Variants in FBXO36 observed in about 807,000 individuals in gnomAD.
The protein encoded by FBXO36 is F-box protein 36.
FBXO36 carries 18 observed loss-of-function variants against 17.0 expected under a neutral mutation model. The ratio of observed to expected loss-of-function variants is 1.06; its 90% confidence interval spans 0.73 to 1.57. FBXO36 has a LOEUF of 1.57. Among genes scored for constraint, FBXO36 ranks in the 40% most tolerant of loss-of-function variants. FBXO36 has a pLI of 0.00. For missense variants in FBXO36, 229 were observed against 221.9 expected, an observed-to-expected ratio of 1.03 and a Z score of -0.20; for synonymous variants, 83 against 85.3, an observed-to-expected ratio of 0.97 and a Z score of 0.15.
rs1187461108 is a variant in FBXO36, at chr2:229,926,145, A to AG, written c.96+3543dup. Among the ~76,000 whole-genome samples the AG allele has an allele frequency of 2.8e-3, 399 of 140,302 alleles. 1 individual carries two copies. The highest frequency in any genetic ancestry group is 4.4e-3 in the Non-Finnish European group (283 of 64,696). The allele number at this position is 140,302 out of a possible 152,430, so 92.0% of individuals were successfully genotyped here. A position where few individuals can be genotyped will look rare whatever the true frequency, so the allele number is the denominator to read the frequency against. ...TCTCTTAAAAAAAAAAAAAAAAAAA[A>AG]GGGGGGGCTGAGCACAGCTCATGCC... On this transcript the variant is annotated intron_variant, in intron 1 of 3. Coordinates refer to ENST00000283946, the MANE Select transcript of FBXO36 (RefSeq NM_174899.5).
intron 3 of FBXO36, among the ~76,000 whole-genome samples, chr2:230,007,117 C>A (rs2077391066): frequency 6.6e-6 from 1 of 152,240 alleles, no homozygotes; most frequent in South Asian, 2.1e-4. Flanking sequence ...ACAAGTTCAC[C>A]AAGGTGTGCT....
At chr2:229,988,830 TTTTTTTTTTTTTTG>T (rs934374399) in intron 2 of FBXO36, among the ~76,000 whole-genome samples, 2 of 72,066 alleles carry the variant, frequency 2.8e-5, no homozygotes, top group African/African-American at 6.7e-5. Context: ...GCTGGCCTGT[TTTTTTTTTTTTTTG>T]TTTTTTTTTT....
At chr2:229,982,958 T>C (rs1193046969) in intron 2 of FBXO36, among the ~76,000 whole-genome samples, 1 of 152,126 alleles carries the variant, frequency 6.6e-6, no homozygotes. Context: ...AAAACGTTGC[T>C]GAATTTTTTT....
rs563439633 is a variant in FBXO36 at position 229,944,159 on chromosome 2, G to T, written c.96+21550G>T. Among the ~76,000 whole-genome samples the T allele has an allele frequency of 7.9e-5, 12 of 152,216 alleles. No individual in the cohort carries two copies. In the East Asian group the frequency reaches 2.3e-3, roughly 29 times the overall value. On this transcript the variant is annotated intron_variant, in intron 1 of 3. Coordinates refer to ENST00000283946, the MANE Select transcript of FBXO36 (RefSeq NM_174899.5). ...GCCTCTTTTCTTTATAAATTACCCA[G>T]GTTCAGGTAGTTCTTTATAGCAATG...
At chr2:229,934,405 T>TATAA (rs1439994203) in intron 1 of FBXO36, among the ~76,000 whole-genome samples, 4 of 151,934 alleles carry the variant, frequency 2.6e-5, no homozygotes, top group Non-Finnish European at 5.9e-5. Flanking sequence ...TGTCTCAAAA[T>TATAA]ATAAATAAAT....
In FBXO36 at chr2:229,964,589, C is replaced by T. The variant is rs1449353358; in HGVS notation, c.97-11652C>T. 2.6e-5 allele frequency among the ~76,000 whole-genome samples: 4 copies of T among 152,306 alleles called. No homozygotes were observed. In the South Asian group the frequency reaches 6.2e-4, roughly 24 times the overall value. ...GGCTGAAGTGCAGTTGGTGCGATCT[C>T]GGCTTACCACAGCCTCCACCTCCCG... is the stretch of plus-strand genomic sequence containing the variant. On this transcript the variant is annotated intron_variant, in intron 1 of 3. Transcript: ENST00000283946.
intron 1 of FBXO36, among the ~76,000 whole-genome samples, chr2:229,941,347 C>T (rs957081804): frequency 6.6e-6 from 1 of 151,932 alleles, no homozygotes. Flanking sequence ...CCCAGGTACT[C>T]GGGAGGCTGA....
chr2:229,954,548 T>A (rs1427217186), intron 1 of FBXO36, among the ~76,000 whole-genome samples: 9 of 135,262 alleles, frequency 6.7e-5, no homozygotes, highest in African/African-American at 2.4e-4. Context: ...CGGCCTTTTT[T>A]TTTTTTTTTT....
At chr2:229,931,190 TTTAG>T (rs1416359011) in intron 1 of FBXO36, among the ~76,000 whole-genome samples, 6 of 152,138 alleles carry the variant, frequency 3.9e-5, no homozygotes, top group African/African-American at 1.4e-4. Flanking sequence ...GTATTCACTG[TTTAG>T]TTAGTCTAGT....
chr2:229,971,554 C>A (rs1390104886), intron 1 of FBXO36, among the ~76,000 whole-genome samples: 1 of 152,012 alleles, frequency 6.6e-6, no homozygotes, highest in Admixed American at 6.6e-5. Flanking sequence ...ACTGATGAGG[C>A]CTATACTCTG....
At chr2:229,973,528 C>G (rs2077191805) in intron 1 of FBXO36, 4 of 151,928 alleles carry the variant, frequency 2.6e-5, no homozygotes, top group Admixed American at 6.6e-5. Flanking sequence ...TGAGACCAAC[C>G]TTGCCAACAT....
At chr2:229,974,051 A>G (rs1292232462) in intron 1 of FBXO36, among the ~76,000 whole-genome samples, 2 of 152,206 alleles carry the variant, frequency 1.3e-5, no homozygotes, top group Non-Finnish European at 2.9e-5. Flanking sequence ...CCCCGTTTCA[A>G]AAACAAAAAG....
intron 2 of FBXO36, among the ~76,000 whole-genome samples, chr2:229,983,812 T>C (rs953818481): frequency 2.4e-4 from 37 of 152,300 alleles, no homozygotes; most frequent in African/African-American, 8.4e-4. Context: ...TTCCCTCAAC[T>C]GCTGATAATG....
In FBXO36 at chr2:229,996,982, T is replaced by G. The variant is rs1025479268; in HGVS notation, c.378+59T>G. 5 of 1,523,454 alleles carry G rather than the reference T, an allele frequency of 3.3e-6. No individual in the cohort carries two copies. In the African/African-American group the frequency reaches 7.0e-5, roughly 21 times the overall value. The allele number at this position is 1,523,454 out of a possible 1,614,324, so 94.4% of individuals were successfully genotyped here. A position where few individuals can be genotyped will look rare whatever the true frequency, so the allele number is the denominator to read the frequency against. On this transcript the variant is annotated intron_variant, in intron 3 of 3. Transcript: ENST00000283946. Reference sequence around the variant, plus strand: ...TTTCCATGTGCTTTCTAAAAAAAATTTTTAACATAGCAATCATTTGTTGAG... The same window carrying G: ...TTTCCATGTGCTTTCTAAAAAAAATGTTTAACATAGCAATCATTTGTTGAG...
chr2:229,968,324 CTTA>C (rs935125739), intron 1 of FBXO36, among the ~76,000 whole-genome samples: 5 of 152,050 alleles, frequency 3.3e-5, no homozygotes, highest in African/African-American at 1.2e-4. Context: ...ACTTAAAACT[CTTA>C]TTTTCATTGT....
intron 2 of FBXO36, among the ~76,000 whole-genome samples, chr2:229,995,612 G>A (rs13420478): frequency 1.3e-5 from 1 of 79,064 alleles, no homozygotes; most frequent in Non-Finnish European, 2.6e-5. Flanking sequence ...TTTTTTTTTG[G>A]ACAGAATTTC....
At chr2:229,965,340 T>C (rs1442862908) in intron 1 of FBXO36, among the ~76,000 whole-genome samples, 1 of 150,746 alleles carries the variant, frequency 6.6e-6, no homozygotes, top group South Asian at 2.1e-4. Flanking sequence ...TGAATTTTCT[T>C]TTTTTTTCTT....
chr2:229,949,104 A>T (rs1577335599), intron 1 of FBXO36, among the ~76,000 whole-genome samples: 1 of 152,136 alleles, frequency 6.6e-6, no homozygotes, highest in Non-Finnish European at 1.5e-5. Context: ...AAGTGCTGGG[A>T]TTACAGGCAT....
At position 230,010,243 on chromosome 2, in the gene FBXO36, A is replaced by G. The variant is rs113319532; in HGVS notation, c.379-453A>G. Among the ~76,000 whole-genome samples the G allele has an allele frequency of 8.9e-3, 1,353 of 152,340 alleles. 19 individuals are homozygous for G. Among genetic ancestry groups the G allele is most frequent in the African/African-American group, 0.031 (1,272 of 41,566 alleles). On this transcript the variant is annotated intron_variant, in intron 3 of 3. Transcript: ENST00000283946. ...GCCATTGCACTCCAGCCTGGGCAAC[A>G]AGAGCAAAACTCCATCTCAAAAATA...
Sources: allele counts gnomAD v4.1 joint callset (sites outside exome capture counted in the v4.1 genomes callset), GRCh38; gene constraint gnomAD v4.1.1; transcripts MANE v1.5; gene names NCBI Gene and HGNC (gene_info 2026-07-23, HGNC 2026-07-21).